TRHDE: variants seen among roughly 807,000 people sequenced by gnomAD.
TRHDE encodes the protein thyrotropin-releasing hormone-degrading ectoenzyme.
Under a neutral mutation model 125.7 loss-of-function variants are expected in TRHDE, and 72 were observed. The ratio of observed to expected loss-of-function variants is 0.57; its 90% CI spans 0.47 to 0.70. The LOEUF is 0.70. Ranked by LOEUF, TRHDE falls within the 30% of genes least tolerant of loss-of-function variation. TRHDE has a pLI of 0.00. For missense variants in TRHDE, 1,110 were observed against 1,327.1 expected (o/e 0.84, Z 2.54); for synonymous variants, 509 against 509.1 (o/e 1.00, Z 0.00).
At chr12:72,517,350 A>G (rs1357876071) in intron 6 of TRHDE, among the ~76,000 whole-genome samples, 2 of 151,946 alleles carry the variant, frequency 1.3e-5, no homozygotes, top group Non-Finnish European at 2.9e-5. Flanking sequence ...CAGAGATTCA[A>G]CTTCTTCCTG....
intron 2 of TRHDE, among the ~76,000 whole-genome samples, chr12:72,338,389 A>G (rs1869926094): frequency 6.6e-6 from 1 of 152,196 alleles, no homozygotes; most frequent in Non-Finnish European, 1.5e-5. Context: ...TTTTTAAATA[A>G]TTAAAGAAAG....
At chr12:72,604,941 T>TC (rs1282434796) in intron 12 of TRHDE, among the ~76,000 whole-genome samples, 1 of 152,136 alleles carries the variant, frequency 6.6e-6, no homozygotes, top group African/African-American at 2.4e-5. Context: ...CATTACTTTT[T>TC]CTACGTTTTA....
intron 2 of TRHDE, among the ~76,000 whole-genome samples, chr12:72,213,402 C>T (rs766074677): frequency 4.6e-5 from 7 of 152,066 alleles, no homozygotes; most frequent in Non-Finnish European, 7.4e-5. Context: ...TCACAGTTAG[C>T]AAAGGCACTT....
At chr12:72,498,731 A>T (rs1354201256) in intron 5 of TRHDE, among the ~76,000 whole-genome samples, 1 of 152,178 alleles carries the variant, frequency 6.6e-6, no homozygotes, top group Non-Finnish European at 1.5e-5. Flanking sequence ...TTTTTAACAT[A>T]GCAAATCAGC....
rs965662554 is a variant in TRHDE, at chr12:72,251,896, G to T, written n.280-126099G>T. 3.3e-5 allele frequency among the ~76,000 whole-genome samples: 5 copies of T among 152,038 alleles called. No homozygotes were observed. The East Asian group carries it at 9.7e-4, about 29-fold the overall frequency. ...TTGCTTAATTCACATTTCCCTAACG[G>T]TTTATGAAGTTGAAATCTTTTTACA... On this transcript the variant is annotated intron_variant and non_coding_transcript_variant, in intron 2 of 4. Coordinates refer to the TRHDE transcript ENST00000548156.
At chr12:72,389,743 G>T (rs1347169852) in intron 3 of TRHDE, among the ~76,000 whole-genome samples, 1 of 152,178 alleles carries the variant, frequency 6.6e-6, no homozygotes, top group East Asian at 1.9e-4. Flanking sequence ...TAGGTGTTAG[G>T]TCTTCAGCAT....
intron 3 of TRHDE, among the ~76,000 whole-genome samples, chr12:72,383,430 G>A (rs779315234): frequency 2.9e-5 from 4 of 138,640 alleles, no homozygotes; most frequent in Non-Finnish European, 6.0e-5. Flanking sequence ...AGGCTAGAGT[G>A]CAGTGGTGTG....
intron 1 of TRHDE, among the ~76,000 whole-genome samples, chr12:72,276,935 A>C (rs1879508911): frequency 6.6e-6 from 1 of 152,176 alleles, no homozygotes; most frequent in African/African-American, 2.4e-5. Context: ...GTTTACCTGA[A>C]ATAATTGCCA....
At chr12:72,238,885 A>G (rs1878418365) in intron 2 of TRHDE, among the ~76,000 whole-genome samples, 1 of 152,196 alleles carries the variant, frequency 6.6e-6, no homozygotes, top group Non-Finnish European at 1.5e-5. Context: ...AGAATGATTT[A>G]TAATCCTTTG....
rs149205016 is a variant in TRHDE at position 72,583,758 on chromosome 12, G to A, written c.2321+8216G>A. On this transcript the variant is annotated intron_variant, in intron 12 of 18. Transcript: ENST00000261180. ...TGGTTTGCTCAAGGTTAGAGATTGA[G>A]TTAATACATTCCTTTGAGCTGTCTT... Among the ~76,000 whole-genome samples, 41 of 152,206 alleles carry A rather than the reference G, an allele frequency of 2.7e-4. No homozygotes were observed. In the East Asian group the frequency reaches 4.8e-3, roughly 18 times the overall value.
At chr12:72,547,550 C>T (rs772601901) in intron 7 of TRHDE, among the ~76,000 whole-genome samples, 11 of 151,900 alleles carry the variant, frequency 7.2e-5, no homozygotes, top group South Asian at 4.1e-4. Context: ...GATTAACTTA[C>T]GAATTTAGCC....
intron 2 of TRHDE, among the ~76,000 whole-genome samples, chr12:72,299,087 G>A (rs115299730): frequency 0.01 from 1,559 of 152,188 alleles, 28 homozygotes; most frequent in African/African-American, 0.036. Context: ...GATTCAAATG[G>A]TTCTTATAGG....
At chr12:72,617,197 A>T (rs1232345758) in intron 12 of TRHDE, among the ~76,000 whole-genome samples, 1 of 152,128 alleles carries the variant, frequency 6.6e-6, no homozygotes, top group Non-Finnish European at 1.5e-5. Context: ...CAGATTTTTA[A>T]ATTATGTGAA....
At chr12:72,461,025 C>A (rs1241617524) in intron 3 of TRHDE, among the ~76,000 whole-genome samples, 1 of 152,020 alleles carries the variant, frequency 6.6e-6, no homozygotes, top group Non-Finnish European at 1.5e-5. Context: ...AAAAAAAAAT[C>A]TTTTGAATGT....
rs546638982 is a variant in TRHDE at position 72,430,494 on chromosome 12, A to G, written c.1316-39264A>G. Among the ~76,000 whole-genome samples, 4 of 150,156 alleles carry G rather than the reference A, an allele frequency of 2.7e-5. No homozygotes were observed. The Admixed American group carries it at 2.7e-4, about 10-fold the overall frequency. On this transcript the variant is annotated intron_variant, in intron 3 of 18. Coordinates refer to ENST00000261180, the MANE Select transcript of TRHDE (RefSeq NM_013381.3). The stretch of plus-strand genomic sequence containing the variant: ...ACACATATATATATACACACACACA[A>G]CAGTTTTTCTGATACCAGTTTTTGA...
intron 2 of TRHDE, among the ~76,000 whole-genome samples, chr12:72,314,341 C>G (rs1356458315): frequency 6.7e-6 from 1 of 148,400 alleles, no homozygotes; most frequent in Non-Finnish European, 1.5e-5. Flanking sequence ...CCCTCCCTTC[C>G]TTCCTTCTTT....
chr12:72,506,290 A>G (rs1006619025), intron 6 of TRHDE, among the ~76,000 whole-genome samples: 4 of 152,162 alleles, frequency 2.6e-5, no homozygotes, highest in African/African-American at 9.7e-5. Context: ...CAGCCTGGAC[A>G]AGAGAGCAAA....
intron 6 of TRHDE, 129 bp downstream of exon 6, chr12:72,499,764 G>A: frequency 2.9e-6 from 3 of 1,036,100 alleles, no homozygotes; most frequent in Non-Finnish European, 4.1e-6. Context: ...AGAAAACAGA[G>A]TCACTAGGTT....
intron 2 of TRHDE, among the ~76,000 whole-genome samples, chr12:72,190,229 G>A (rs140906421): frequency 1.9e-3 from 296 of 152,278 alleles, no homozygotes; most frequent in Non-Finnish European, 3.6e-3. Context: ...ACCTACTCCT[G>A]TTGCAGTGTT....
Sources: allele counts gnomAD v4.1 joint callset (sites outside exome capture counted in the v4.1 genomes callset), GRCh38; gene constraint gnomAD v4.1.1; transcripts MANE v1.5; gene names NCBI Gene and HGNC (gene_info 2026-07-23, HGNC 2026-07-21).